Variants in GIGYF2 observed in about 807,000 individuals in gnomAD.
GIGYF2 encodes GRB10 interacting GYF protein 2.
Under a neutral mutation model 208.1 loss-of-function variants are expected in GIGYF2, and 25 were observed. The observed-to-expected ratio is 0.12, with a 90% confidence interval of 0.09 to 0.17. GIGYF2 has a LOEUF of 0.17. Among genes scored for constraint, GIGYF2 ranks in the 10% least tolerant of loss-of-function variants. The probability of loss-of-function intolerance (pLI) is 1.00; values close to 1 mark genes in which losing one functional copy is unlikely to be tolerated. For synonymous variants in GIGYF2, 534 were observed against 543.8 expected (o/e 0.98, Z 0.25); for missense variants, 1,302 against 1,579.4 (o/e 0.82, Z 2.98).
chr2:232,847,727 G>C (rs1026705320), intron 27 of GIGYF2, among the ~76,000 whole-genome samples, 156 bp downstream of exon 27: 1 of 152,056 alleles, frequency 6.6e-6, no homozygotes, highest in Admixed American at 6.5e-5. Context: ...CAAATTACTT[G>C]TCCAGATACC....
intron 2 of GIGYF2, among the ~76,000 whole-genome samples, chr2:232,725,735 A>G (rs1697169108): frequency 6.6e-6 from 1 of 152,190 alleles, no homozygotes; most frequent in Non-Finnish European, 1.5e-5. Flanking sequence ...TTGTTTTTTT[A>G]TTAGACTGGC....
chr2:232,755,278 C>T (rs1286108740), intron 5 of GIGYF2, among the ~76,000 whole-genome samples: 4 of 152,150 alleles, frequency 2.6e-5, no homozygotes, highest in Admixed American at 1.3e-4. Context: ...TCAAGCAATT[C>T]GCCTGCCTCA....
chr2:232,769,616 A>G (rs926200989), intron 8 of GIGYF2, among the ~76,000 whole-genome samples: 3 of 151,846 alleles, frequency 2.0e-5, no homozygotes, highest in African/African-American at 7.3e-5. Flanking sequence ...AGGACTGACT[A>G]TCAGGTAATT....
intron 21 of GIGYF2, among the ~76,000 whole-genome samples, chr2:232,826,948 A>G (rs553480201): frequency 1.3e-5 from 2 of 152,184 alleles, no homozygotes; most frequent in Admixed American, 6.5e-5. Context: ...AAAGAATACA[A>G]CTCCTGAAAG....
chr2:232,764,955 G>A (rs1574851478), intron 8 of GIGYF2, among the ~76,000 whole-genome samples: 1 of 152,068 alleles, frequency 6.6e-6, no homozygotes, highest in African/African-American at 2.4e-5. Flanking sequence ...GTATATCTTT[G>A]AAAAGGCAGG....
intron 8 of GIGYF2, chr2:232,771,271 A>G: frequency 6.2e-7 from 1 of 1,609,260 alleles, no homozygotes; most frequent in Non-Finnish European, 8.5e-7. Flanking sequence ...AGCGCCATCC[A>G]TTTGAAGTGT....
intron 8 of GIGYF2, among the ~76,000 whole-genome samples, chr2:232,763,878 A>G (rs781216541): frequency 6.6e-5 from 10 of 152,220 alleles, no homozygotes; most frequent in Middle Eastern, 3.4e-3. Context: ...TCTCTTTCTC[A>G]AAGTACTGTA....
Position 232,780,751 on chromosome 2 carries a change from G to C in GIGYF2, c.533-6399G>C, listed in dbSNP as rs139395580. ...TAAGTCAACTGAAATACAGTATTTG[G>C]TTAGTCAACTTTGTCATGGTGCTGA... On this transcript the variant is annotated intron_variant, in intron 8 of 28. Transcript: ENST00000373563. Among the ~76,000 whole-genome samples, 183 of 152,224 alleles carry C rather than the reference G, an allele frequency of 1.2e-3. 3 individuals carry two copies. The highest frequency in any genetic ancestry group is 4.1e-3 in the African/African-American group (169 of 41,542).
At chr2:232,815,797 G>T in intron 19 of GIGYF2, 60 bp downstream of exon 19, 1 of 871,094 alleles carries the variant, frequency 1.1e-6, no homozygotes, top group South Asian at 1.4e-5. Context: ...CATAAACATT[G>T]CTGTTTATTC....
chr2:232,764,968 C>G (rs1168465769), intron 8 of GIGYF2, among the ~76,000 whole-genome samples: 1 of 152,042 alleles, frequency 6.6e-6, no homozygotes, highest in Non-Finnish European at 1.5e-5. Flanking sequence ...AAGGCAGGTT[C>G]CATAAAACTA....
In GIGYF2 at chr2:232,806,044, C is replaced by T. The variant is rs761482321; in HGVS notation, c.1640-447C>T. Among the ~76,000 whole-genome samples, 3 of 152,058 alleles carry T rather than the reference C, an allele frequency of 2.0e-5. No homozygotes were observed. The highest frequency in any genetic ancestry group is 1.9e-4 in the East Asian group (1 of 5,200). The stretch of plus-strand genomic sequence containing the variant: ...TTTCCCCACTACCAAGATCAGAGAG[C>T]GAATTATAATTTGTCTTAATTATTG... On this transcript the variant is annotated intron_variant, in intron 14 of 28. Coordinates refer to ENST00000373563, the MANE Select transcript of GIGYF2 (RefSeq NM_001103146.3). The surrounding 1 kb of genome is among the most constrained non-coding windows in gnomAD (Gnocchi z 4.0).
chr2:232,853,977 A>T (rs1690455822), intron 28 of GIGYF2, among the ~76,000 whole-genome samples: 1 of 152,154 alleles, frequency 6.6e-6, no homozygotes, highest in Non-Finnish European at 1.5e-5. Context: ...TTGGCCACAG[A>T]CTTTTCCCTT....
chr2:232,795,150 G>C (rs1700185577), intron 13 of GIGYF2, among the ~76,000 whole-genome samples: 1 of 152,208 alleles, frequency 6.6e-6, no homozygotes, highest in Non-Finnish European at 1.5e-5. Context: ...ATTATGTCAG[G>C]TTATTTTTTG....
intron 23 of GIGYF2, among the ~76,000 whole-genome samples, chr2:232,843,623 C>T (rs1180550369): frequency 6.6e-6 from 1 of 151,070 alleles, no homozygotes; most frequent in African/African-American, 2.4e-5. Flanking sequence ...CCTGTAATCC[C>T]AGCACTTTGG....
rs2305138 is a variant in GIGYF2, at chr2:232,796,136, G to A, written c.1554G>A (p.Glu518=). 104,772 of 1,599,972 alleles carry A rather than the reference G, an allele frequency of 0.065. 4,052 individuals carry two copies. The highest frequency in any genetic ancestry group is 0.17 in the East Asian group (7,692 of 44,764). ...AAAGATTGGCATCAAAACTGCAAGA[G>A]CACAGAGCTAAAGGAGTGTCGATTC... ...DDERLASKLQ[E]HRAKGVSIPL... The change falls in exon 14 of 29, where the codon GAG becomes GAA. Residue 518 remains glutamate, a synonymous_variant. Transcript: ENST00000373563.
intron 8 of GIGYF2, chr2:232,776,482 G>T: frequency 6.5e-7 from 1 of 1,544,284 alleles, no homozygotes; most frequent in South Asian, 1.1e-5. Context: ...GCCAAGGTAG[G>T]TCTTAAGGAA....
At chr2:232,795,313 A>T (rs1559438216) in intron 13 of GIGYF2, among the ~76,000 whole-genome samples, 1 of 152,204 alleles carries the variant, frequency 6.6e-6, no homozygotes. Flanking sequence ...AAACTTTCAG[A>T]GCATTAACAT....
At chr2:232,855,661 G>A (rs1235240520) in intron 28 of GIGYF2, among the ~76,000 whole-genome samples, 4 of 152,158 alleles carry the variant, frequency 2.6e-5, no homozygotes, top group African/African-American at 4.8e-5. Flanking sequence ...TAAAGTTTTT[G>A]ACTGGTGGGA....
rs980405981 is a variant in GIGYF2 at position 232,761,536 on chromosome 2, A to C, written c.532+100A>C. The C allele has an allele frequency of 2.5e-5, 18 of 729,528 alleles. No individual in the cohort carries two copies. The African/African-American group carries it at 3.2e-4, about 13-fold the overall frequency. The allele number at this position is 729,528 out of a possible 1,614,324, so 45.2% of individuals were successfully genotyped here. A position where few individuals can be genotyped will look rare whatever the true frequency, so the allele number is the denominator to read the frequency against. On this transcript the variant is annotated intron_variant, in intron 8 of 28. Coordinates refer to ENST00000373563, the MANE Select transcript of GIGYF2 (RefSeq NM_001103146.3). ...TGGGGCTGCAGCATTTCCTGCATTTAAACTTCCACGGTTATTTGAAGTCTC... is the reference window on the plus strand; with the variant it reads ...TGGGGCTGCAGCATTTCCTGCATTTCAACTTCCACGGTTATTTGAAGTCTC...
Sources: allele counts gnomAD v4.1 joint callset (sites outside exome capture counted in the v4.1 genomes callset), GRCh38; gene constraint gnomAD v4.1.1; non-coding constraint Gnocchi (gnomAD v3.1); transcripts MANE v1.5; gene names NCBI Gene and HGNC (gene_info 2026-07-23, HGNC 2026-07-21).